The following ADGB variants were observed in gnomAD, a reference collection of about 807,000 sequenced individuals.
The protein encoded by ADGB is androglobin, also known as calpain-7-like protein.
In ADGB, 172 loss-of-function variants were observed where a neutral mutation model predicts 210.5. The observed-to-expected ratio is 0.82, with a 90% CI of 0.72 to 0.93. The LOEUF is 0.93. Ranked by LOEUF, ADGB falls within the 40% of genes least tolerant of loss-of-function variation. ADGB has a pLI of 0.00. For missense variants in ADGB, 2,025 were observed against 1,964.8 expected (o/e 1.03, Z -0.58); for synonymous variants, 658 against 662.7 (o/e 0.99, Z 0.11).
chr6:146,660,901 T>G (rs1775845327), intron 5 of ADGB, among the ~76,000 whole-genome samples: 1 of 148,692 alleles, frequency 6.7e-6, no homozygotes, highest in African/African-American at 2.6e-5. Context: ...TTTTATTCTT[T>G]GTTTGTTCTT....
At chr6:146,663,149 A>T (rs990296059) in intron 5 of ADGB, among the ~76,000 whole-genome samples, 1 of 141,806 alleles carries the variant, frequency 7.1e-6, no homozygotes, top group Non-Finnish European at 1.5e-5. Flanking sequence ...ATAATTATAA[A>T]TATATAATAT....
chr6:146,785,765 A>T (rs1008874523), intron 32 of ADGB, 53 bp downstream of exon 32: 1 of 1,293,840 alleles, frequency 7.7e-7, no homozygotes, highest in East Asian at 2.6e-5. Context: ...TGTGATTTGC[A>T]CTTCTTAAAA....
intron 17 of ADGB, 103 bp downstream of exon 17, chr6:146,721,608 C>G: frequency 2.7e-6 from 2 of 752,000 alleles, no homozygotes; most frequent in Non-Finnish European, 4.4e-6. Context: ...GAGGCTGAGG[C>G]GGGTGGATCA....
intron 35 of ADGB, among the ~76,000 whole-genome samples, chr6:146,810,117 G>A (rs1460540976): frequency 6.6e-6 from 1 of 152,080 alleles, no homozygotes; most frequent in Admixed American, 6.6e-5. Flanking sequence ...AGCAAAAAAA[G>A]CAAATAACCT....
At position 146,815,297 on chromosome 6, in the gene ADGB, T is replaced by C. The variant is rs996193152; in HGVS notation, c.*80T>C. ...GATCTTTAACTGCCTGCTGTTAAGATATTAGGCCAAATGAAAATAGAAATT... is the reference window on the plus strand; with the variant it reads ...GATCTTTAACTGCCTGCTGTTAAGACATTAGGCCAAATGAAAATAGAAATT... On this transcript the variant is annotated 3_prime_UTR_variant, in exon 36 of 36. Transcript: ENST00000397944. 1.8e-6 allele frequency: 2 copies of C among 1,083,644 alleles called. No homozygotes were observed. Among genetic ancestry groups the C allele is most frequent in the East Asian group, 3.1e-5 (1 of 31,978 alleles). The allele number at this position is 1,083,644 out of a possible 1,614,324, so 67.1% of individuals were successfully genotyped here.
intron 2 of ADGB, among the ~76,000 whole-genome samples, chr6:146,635,855 AT>A (rs1410127120): frequency 3.7e-4 from 56 of 152,184 alleles, no homozygotes; most frequent in African/African-American, 1.3e-3. Context: ...ACAGGCATTT[AT>A]AAAGAGTGGT....
intron 20 of ADGB, among the ~76,000 whole-genome samples, chr6:146,732,036 T>C (rs1209067491): frequency 6.6e-6 from 1 of 152,206 alleles, no homozygotes; most frequent in East Asian, 1.9e-4. Flanking sequence ...ATCTCCAGGC[T>C]GGCTTTTTAA....
intron 5 of ADGB, among the ~76,000 whole-genome samples, chr6:146,659,581 T>C (rs1775828049): frequency 6.6e-6 from 1 of 152,232 alleles, no homozygotes; most frequent in African/African-American, 2.4e-5. Flanking sequence ...ATTCTGATTT[T>C]CACACCAGGT....
At chr6:146,766,538 C>T (rs369897755) in intron 28 of ADGB, among the ~76,000 whole-genome samples, 1 of 151,692 alleles carries the variant, frequency 6.6e-6, no homozygotes, top group South Asian at 2.1e-4. Context: ...GAGGAGAAAT[C>T]GCAGAGTTGA....
intron 35 of ADGB, among the ~76,000 whole-genome samples, chr6:146,804,164 A>T (rs1010337354): frequency 6.6e-6 from 1 of 152,186 alleles, no homozygotes; most frequent in East Asian, 1.9e-4. Context: ...TACTTTATTG[A>T]AAATGGGAGT....
rs151282606 is a variant in ADGB at position 146,693,949 on chromosome 6, A to G, written c.1577+1034A>G. Among the ~76,000 whole-genome samples the G allele has an allele frequency of 2.0e-3, 303 of 152,190 alleles. 6 individuals carry two copies. The highest frequency in any genetic ancestry group is 0.017 in the East Asian group (89 of 5,162). On this transcript the variant is annotated intron_variant, in intron 12 of 35. Coordinates refer to ENST00000397944, the MANE Select transcript of ADGB (RefSeq NM_024694.4). Reference sequence around the variant, plus strand: ...CATCAAAATGGCCTTTACTATCCATATTTCTACCAGAATTTAGTTCACAGA... The same window carrying G: ...CATCAAAATGGCCTTTACTATCCATGTTTCTACCAGAATTTAGTTCACAGA...
chr6:146,757,867 A>G (rs11967853), intron 27 of ADGB, among the ~76,000 whole-genome samples: 17,245 of 152,014 alleles, frequency 0.11, 3,224 homozygotes, highest in African/African-American at 0.39. Flanking sequence ...GTGAATTGTT[A>G]TCATAACCCA....
chr6:146,774,495 G>T (rs1261972205), intron 29 of ADGB, among the ~76,000 whole-genome samples: 1 of 152,170 alleles, frequency 6.6e-6, no homozygotes, highest in Non-Finnish European at 1.5e-5. Flanking sequence ...GTTTGTTGCT[G>T]AAAAGCAGCA....
chr6:146,763,757 C>A, intron 27 of ADGB, 144 bp from the exon 28 acceptor site: 1 of 729,882 alleles, frequency 1.4e-6, no homozygotes, highest in Non-Finnish European at 2.2e-6. Flanking sequence ...GAACAATAAA[C>A]CAAAAACACT....
At chr6:146,699,356 G>A (rs1458535537) in intron 12 of ADGB, among the ~76,000 whole-genome samples, 1 of 152,156 alleles carries the variant, frequency 6.6e-6, no homozygotes, top group South Asian at 2.1e-4. Flanking sequence ...CCAGGGAGTT[G>A]TTGGTGCAAG....
intron 28 of ADGB, among the ~76,000 whole-genome samples, chr6:146,768,006 C>T (rs1456877202): frequency 6.6e-6 from 1 of 152,136 alleles, no homozygotes; most frequent in African/African-American, 2.4e-5. Context: ...TCAGAAAACA[C>T]CCAGGAATTA....
chr6:146,643,789 C>T (rs577729874), intron 2 of ADGB, among the ~76,000 whole-genome samples: 1 of 151,812 alleles, frequency 6.6e-6, no homozygotes, highest in Non-Finnish European at 1.5e-5. Context: ...GGTGAACAAA[C>T]GTCTTTACAT....
At chr6:146,698,961 C>T (rs930415571) in intron 12 of ADGB, among the ~76,000 whole-genome samples, 1 of 151,840 alleles carries the variant, frequency 6.6e-6, no homozygotes, top group African/African-American at 2.4e-5. Context: ...TTTCAACGTC[C>T]GAATTTTGGA....
rs1423406299 is a variant in ADGB at position 146,739,186 on chromosome 6, A to G, written c.2889-1273A>G. Among the ~76,000 whole-genome samples, 3 of 152,158 alleles carry G rather than the reference A, an allele frequency of 2.0e-5. No homozygotes were observed. The East Asian group carries it at 5.8e-4, about 29-fold the overall frequency. On this transcript the variant is annotated intron_variant, in intron 23 of 35. Transcript: ENST00000397944. ...GTTACAGTCAATTCCCACTGTGACC[A>G]GCTTAATTCCCATGTTGGTTGAGCC...
Sources: gnomAD v4.1 joint callset for allele counts (sites outside exome capture counted in the v4.1 genomes callset) on GRCh38, gnomAD v4.1.1 for gene constraint, MANE v1.5 for transcripts, NCBI Gene and HGNC (gene_info 2026-07-23, HGNC 2026-07-21) for gene names.